Variants in CNTN3 observed in about 807,000 individuals in gnomAD.
The protein encoded by CNTN3 is contactin-3.
Under a neutral mutation model 119.1 loss-of-function variants are expected in CNTN3, and 60 were observed. That is an observed-to-expected ratio of 0.50 (90% CI 0.41 to 0.62). The LOEUF (loss-of-function observed/expected upper bound fraction) is 0.62, where lower values mean the gene tolerates loss of function less well. Among genes scored for constraint, CNTN3 ranks in the 20% least tolerant of loss-of-function variants. CNTN3 has a pLI of 0.00. For synonymous variants in CNTN3, 450 were observed against 438.7 expected (o/e 1.03, Z -0.32); for missense variants, 1,101 against 1,242.4 (o/e 0.89, Z 1.71).
intron 4 of CNTN3, among the ~76,000 whole-genome samples, chr3:74,425,184 G>T (rs1211961604): frequency 6.6e-6 from 1 of 151,988 alleles, no homozygotes; most frequent in Admixed American, 6.6e-5. Context: ...CATCACCCAG[G>T]TAGTGAGTAC....
intron 13 of CNTN3, among the ~76,000 whole-genome samples, chr3:74,313,210 A>G (rs1437350293): frequency 6.6e-6 from 1 of 152,176 alleles, no homozygotes; most frequent in Non-Finnish European, 1.5e-5. Flanking sequence ...CATACACATA[A>G]GGGAAATATC....
chr3:74,503,906 TC>T (rs1559636442), intron 2 of CNTN3, among the ~76,000 whole-genome samples: 1 of 151,906 alleles, frequency 6.6e-6, no homozygotes, highest in Admixed American at 6.6e-5. Context: ...GTGTTATTTT[TC>T]CCCCCTAACA....
At chr3:74,375,186 C>A (rs1249140503) in intron 5 of CNTN3, among the ~76,000 whole-genome samples, 5 of 152,060 alleles carry the variant, frequency 3.3e-5, no homozygotes, top group African/African-American at 1.2e-4. Flanking sequence ...GAGTAAAGAT[C>A]CTTGACGAAC....
intron 19 of CNTN3, among the ~76,000 whole-genome samples, chr3:74,289,333 T>C (rs890403317): frequency 3.3e-5 from 5 of 152,234 alleles, no homozygotes; most frequent in African/African-American, 1.2e-4. Flanking sequence ...GTATTCATGC[T>C]ACATTTGGAC....
intron 1 of CNTN3, among the ~76,000 whole-genome samples, chr3:74,527,519 A>G (rs562272894): frequency 1.3e-5 from 2 of 152,050 alleles, no homozygotes; most frequent in African/African-American, 2.4e-5. Context: ...GGCAAGACCA[A>G]CATCACTGAT....
intron 4 of CNTN3, among the ~76,000 whole-genome samples, chr3:74,449,477 A>T (rs1180413055): frequency 6.6e-6 from 1 of 152,094 alleles, no homozygotes; most frequent in Non-Finnish European, 1.5e-5. Flanking sequence ...CAGCTGGGAA[A>T]CATGTTTCAA....
chr3:74,478,445 G>A (rs1279895147), intron 4 of CNTN3, among the ~76,000 whole-genome samples: 1 of 152,090 alleles, frequency 6.6e-6, no homozygotes, highest in Non-Finnish European at 1.5e-5. Flanking sequence ...TTTGTGGAGG[G>A]TCTTGTAAGG....
At chr3:74,271,818 G>A (rs1041547562) in intron 20 of CNTN3, among the ~76,000 whole-genome samples, 1 of 152,126 alleles carries the variant, frequency 6.6e-6, no homozygotes, top group African/African-American at 2.4e-5. Flanking sequence ...CCCCCCAATA[G>A]TAAGATACGG....
intron 11 of CNTN3, among the ~76,000 whole-genome samples, chr3:74,354,857 T>C (rs1401667160): frequency 2.0e-5 from 3 of 152,162 alleles, no homozygotes; most frequent in Non-Finnish European, 4.4e-5. Context: ...TAAATGAGGC[T>C]GTAACACAGT....
chr3:74,303,723 A>G (rs1258077840), intron 13 of CNTN3, among the ~76,000 whole-genome samples: 1 of 152,146 alleles, frequency 6.6e-6, no homozygotes, highest in Non-Finnish European at 1.5e-5. Context: ...AATAATAATA[A>G]CAGCTGTCCT....
At chr3:74,505,036 A>G (rs1247237551) in intron 2 of CNTN3, among the ~76,000 whole-genome samples, 1 of 151,954 alleles carries the variant, frequency 6.6e-6, no homozygotes, top group Non-Finnish European at 1.5e-5. Flanking sequence ...GTAGATGGCT[A>G]TCTTCTCCCT....
chr3:74,522,459 G>T (rs1703557133), intron 1 of CNTN3, among the ~76,000 whole-genome samples: 1 of 151,892 alleles, frequency 6.6e-6, no homozygotes, highest in Admixed American at 6.6e-5. Flanking sequence ...GCATGTCTCA[G>T]TTTGGGTTCC....
intron 4 of CNTN3, among the ~76,000 whole-genome samples, chr3:74,454,925 C>G (rs1045926515): frequency 5.9e-5 from 9 of 152,180 alleles, no homozygotes; most frequent in Non-Finnish European, 1.0e-4. Context: ...ACCTTTCTCT[C>G]TGGCTGCCCT....
intron 4 of CNTN3, among the ~76,000 whole-genome samples, chr3:74,468,364 T>C (rs1464602707): frequency 6.6e-6 from 1 of 151,940 alleles, no homozygotes; most frequent in Non-Finnish European, 1.5e-5. Flanking sequence ...TCAAAGAAAA[T>C]CTAGATTTTT....
intron 5 of CNTN3, among the ~76,000 whole-genome samples, chr3:74,373,703 C>A (rs1451347873): frequency 1.3e-5 from 2 of 152,128 alleles, no homozygotes; most frequent in Non-Finnish European, 2.9e-5. Context: ...GTTTGCATAA[C>A]TCCCTTTATA....
chr3:74,583,745 A>G (rs1224386642), intron 1 of CNTN3, among the ~76,000 whole-genome samples: 4 of 152,196 alleles, frequency 2.6e-5, no homozygotes, highest in African/African-American at 7.2e-5. Flanking sequence ...AATTTTCAAA[A>G]ATGAAAATAA....
At chr3:74,441,546 C>A (rs943002180) in intron 4 of CNTN3, among the ~76,000 whole-genome samples, 2 of 152,158 alleles carry the variant, frequency 1.3e-5, no homozygotes, top group Non-Finnish European at 2.9e-5. Flanking sequence ...GAACCCCACC[C>A]TTTGGTACTT....
intron 5 of CNTN3, among the ~76,000 whole-genome samples, chr3:74,398,620 A>T (rs1202264470): frequency 6.6e-6 from 1 of 152,062 alleles, no homozygotes; most frequent in African/African-American, 2.4e-5. Flanking sequence ...CTTTTTCCCC[A>T]TGTTTTTTGT....
At chr3:74,597,381 G>GT (rs1366793023) in intron 1 of CNTN3, among the ~76,000 whole-genome samples, 1 of 151,796 alleles carries the variant, frequency 6.6e-6, no homozygotes, top group Non-Finnish European at 1.5e-5. Flanking sequence ...TTATCAGGCA[G>GT]TTTTTTTAAT....
Sources: gnomAD v4.1 joint callset for allele counts (sites outside exome capture counted in the v4.1 genomes callset) on GRCh38, gnomAD v4.1.1 for gene constraint, MANE v1.5 for transcripts, NCBI Gene and HGNC (gene_info 2026-07-23, HGNC 2026-07-21) for gene names.